Variants in SRP54 observed in about 807,000 individuals in gnomAD.
SRP54 encodes the protein signal recognition particle subunit SRP54.
In SRP54, 10 loss-of-function variants were observed where a neutral mutation model predicts 64.8. That is an observed-to-expected ratio of 0.15 (90% CI 0.10 to 0.26). SRP54 has a LOEUF of 0.26. Ranked by LOEUF, SRP54 falls within the 10% of genes least tolerant of loss-of-function variation. SRP54 has a pLI of 1.00. For synonymous variants in SRP54, 193 were observed against 185.6 expected, an observed-to-expected ratio of 1.04 and a Z score of -0.32; for missense variants, 325 against 613.7, an observed-to-expected ratio of 0.53 and a Z score of 4.97.
At chr14:35,013,220 G>T (rs1012806631) in intron 8 of SRP54, 126 bp from the exon 9 acceptor site, 5 of 857,196 alleles carry the variant, frequency 5.8e-6, no homozygotes, top group Non-Finnish European at 8.9e-6. Context: ...CTCCCAAAGT[G>T]CTGGGATTAC....
chr14:34,988,752 G>T lies in SRP54; in HGVS notation c.-34+5537G>T, dbSNP rs575751864. On this transcript the variant is annotated intron_variant, in intron 1 of 15. Transcript: ENST00000216774. The stretch of plus-strand genomic sequence containing the variant: ...ATTAAAGTCAGAAAAGCAAATACTG[G>T]TTATTAGCCTTTGACTGCTTTATAG... Among the ~76,000 whole-genome samples the T allele has an allele frequency of 2.0e-5, 3 of 151,400 alleles. No individual in the cohort carries two copies. The South Asian group carries it at 6.3e-4, about 32-fold the overall frequency.
chr14:35,017,036 G>T (rs568654342), intron 11 of SRP54, among the ~76,000 whole-genome samples: 23 of 152,050 alleles, frequency 1.5e-4, no homozygotes, highest in African/African-American at 5.3e-4. Context: ...TGCATTTTTA[G>T]TAGAAATGGG....
intron 1 of SRP54, among the ~76,000 whole-genome samples, chr14:34,988,478 C>T (rs2043930374): frequency 6.9e-6 from 1 of 144,826 alleles, no homozygotes; most frequent in Admixed American, 7.2e-5. Context: ...AGGAGAATCT[C>T]TTGAACCCAG....
chr14:35,014,132 A>G (rs1034831248), intron 10 of SRP54, among the ~76,000 whole-genome samples: 18 of 152,142 alleles, frequency 1.2e-4, no homozygotes, highest in Non-Finnish European at 2.2e-4. Flanking sequence ...GCACAGTACA[A>G]AAACAAGTGG....
chr14:35,029,040 A>C, intron 15 of SRP54, 21 bp from the exon 16 acceptor site: 1 of 1,594,216 alleles, frequency 6.3e-7, no homozygotes, highest in South Asian at 1.1e-5. Flanking sequence ...TTTTAACTCT[A>C]CTTCCCTACT....
intron 15 of SRP54, among the ~76,000 whole-genome samples, chr14:35,028,725 T>G (rs1280314689): frequency 6.6e-6 from 1 of 152,258 alleles, no homozygotes; most frequent in Non-Finnish European, 1.5e-5. Flanking sequence ...TTATTTTTTA[T>G]GTAACTTAGA....
rs367667375 is a variant in SRP54 at position 35,028,110 on chromosome 14, G to A, written c.1350G>A (p.Val450=). ...LFKGGDMSKN[V]SQSQMAKLNQ... is the part of the protein sequence containing the mutation. ...CAGGTGGCGACATGTCTAAGAATGT[G>A]AGCCAGTCACAGATGGCAAAATTGA... Residue 450 remains valine, a synonymous_variant, in exon 15 of 16, where the codon GTG becomes GTA. Coordinates refer to ENST00000216774, the MANE Select transcript of SRP54 (RefSeq NM_003136.4). 1.2e-6 allele frequency: 2 copies of A among 1,611,672 alleles called. No individual in the cohort carries two copies. Among genetic ancestry groups the A allele is most frequent in the African/African-American group, 1.3e-5 (1 of 74,776 alleles).
chr14:35,014,293 T>G (rs1194392189), intron 10 of SRP54, among the ~76,000 whole-genome samples: 1 of 141,624 alleles, frequency 7.1e-6, no homozygotes, highest in Non-Finnish European at 1.6e-5. Flanking sequence ...TTTTTTTTTT[T>G]TGAGACGGAG....
chr14:34,987,284 T>TAC (rs1245625338), intron 1 of SRP54, among the ~76,000 whole-genome samples: 2,759 of 127,030 alleles, frequency 0.022, 33 homozygotes, highest in East Asian at 0.035. Flanking sequence ...TGTATATATA[T>TAC]ATACACACAC....
intron 4 of SRP54, among the ~76,000 whole-genome samples, chr14:35,003,595 G>GTCT (rs1401448525): frequency 4.8e-5 from 7 of 146,668 alleles, no homozygotes; most frequent in African/African-American, 1.8e-4. Flanking sequence ...TTGAGACAGG[G>GTCT]TCTTACTCTG....
At chr14:34,985,866 G>A (rs1566639316) in intron 1 of SRP54, among the ~76,000 whole-genome samples, 1 of 152,108 alleles carries the variant, frequency 6.6e-6, no homozygotes, top group Admixed American at 6.5e-5. Flanking sequence ...TTTACTGATA[G>A]GCATTATCTA....
chr14:35,015,118 C>A (rs2044417539), intron 11 of SRP54, among the ~76,000 whole-genome samples: 1 of 151,938 alleles, frequency 6.6e-6, no homozygotes, highest in Admixed American at 6.6e-5. Context: ...ACTCTGTTAC[C>A]CAGGCTGGAG....
In SRP54 at chr14:35,008,842, GT is replaced by G. The variant is rs757347548; in HGVS notation, c.485+17del. The stretch of plus-strand genomic sequence containing the variant: ...TCCATTTTATGGAAGGTAGGTTACT[GT>G]TTTTTATTTTAACACTTATATCCCT... On this transcript the variant is annotated intron_variant, in intron 7 of 15. Transcript: ENST00000216774. 2 of 1,282,420 alleles carry G rather than the reference GT, an allele frequency of 1.6e-6. No individual in the cohort carries two copies. Among genetic ancestry groups the G allele is most frequent in the Admixed American group, 3.8e-5 (2 of 52,212 alleles). The allele number at this position is 1,282,420 out of a possible 1,614,324, so 79.4% of individuals were successfully genotyped here.
At position 35,014,648 on chromosome 14, in the gene SRP54, TAA is replaced by T. The variant is rs1191297842; in HGVS notation, c.887-95_887-94del. On this transcript the variant is annotated intron_variant, in intron 10 of 15. Transcript: ENST00000216774. ...TGTAGTAAGAATACCTAACCTATTATAACCTCACAAGGTTATTATGTATGTGA... is the reference window on the plus strand; with the variant it reads ...TGTAGTAAGAATACCTAACCTATTATCCTCACAAGGTTATTATGTATGTGA... 5 of 948,416 alleles carry T rather than the reference TAA, an allele frequency of 5.3e-6. No homozygotes were observed. In the East Asian group the frequency reaches 9.8e-5, roughly 19 times the overall value. 58.8% of individuals were successfully genotyped at this position (948,416 alleles called of 1,614,324 possible).
At position 35,000,926 on chromosome 14, in the gene SRP54, C is replaced by T. The variant is rs2044160339; in HGVS notation, c.171-10C>T. 1 of 1,532,582 alleles carries T rather than the reference C, an allele frequency of 6.5e-7. No homozygotes were observed. The highest frequency in any genetic ancestry group is 2.3e-5 in the East Asian group (1 of 42,712). 94.9% of individuals were successfully genotyped at this position (1,532,582 alleles called of 1,614,324 possible). On this transcript the variant is annotated splice_polypyrimidine_tract_variant and intron_variant, in intron 3 of 15. Transcript: ENST00000216774. ...CCTCCCCACCCCAATCACCAACCAC[C>T]ATCATAAAGGTCTGCTATTGATCTT...
chr14:34,991,483 A>G lies in SRP54; in HGVS notation c.-33-5194A>G, dbSNP rs1012654785. On this transcript the variant is annotated intron_variant, in intron 1 of 15. Coordinates refer to ENST00000216774, the MANE Select transcript of SRP54 (RefSeq NM_003136.4). ...AGGTGACAAATAATATAAATAAGCC[A>G]TATGTCAGTTGATAATAGAACAATA... Among the ~76,000 whole-genome samples the G allele has an allele frequency of 2.8e-4, 43 of 151,540 alleles. 1 individual carries two copies. Among genetic ancestry groups the G allele is most frequent in the African/African-American group, 1.0e-3 (42 of 41,224 alleles).
chr14:35,008,884 CTTTTTTTT>C, intron 7 of SRP54, 53 bp downstream of exon 7: 7 of 676,420 alleles, frequency 1.0e-5, no homozygotes, highest in Admixed American at 4.3e-5. Context: ...TGTCTGTCAG[CTTTTTTTT>C]TTTTTTTTTT....
intron 2 of SRP54, among the ~76,000 whole-genome samples, chr14:34,997,680 T>C (rs2044091927): frequency 6.6e-6 from 1 of 152,228 alleles, no homozygotes; most frequent in African/African-American, 2.4e-5. Flanking sequence ...AATTAAATAA[T>C]TTTGAGACCA....
Position 35,018,684 on chromosome 14 carries a change from T to G in SRP54, c.974-8T>G, listed in dbSNP as rs1298180699. On this transcript the variant is annotated splice_region_variant and splice_polypyrimidine_tract_variant and intron_variant, in intron 11 of 15. Transcript: ENST00000216774. ...TAATATATCCGAATTATTTACATTG[T>G]ATTTCAGGTCAGTTTACGTTGCGAG... is the stretch of plus-strand genomic sequence containing the variant. The G allele has an allele frequency of 3.1e-6, 5 of 1,607,000 alleles. No individual in the cohort carries two copies. In the Admixed American group the frequency reaches 6.8e-5, roughly 22 times the overall value.
Sources: allele counts gnomAD v4.1 joint callset (sites outside exome capture counted in the v4.1 genomes callset), GRCh38; gene constraint gnomAD v4.1.1; transcripts MANE v1.5; gene names NCBI Gene and HGNC (gene_info 2026-07-23, HGNC 2026-07-21).